RAB1B: variants seen among roughly 807,000 people sequenced by gnomAD.
RAB1B encodes RAB1B, member RAS oncogene family.
Under a neutral mutation model 24.8 loss-of-function variants are expected in RAB1B, and 10 were observed. That is an observed-to-expected ratio of 0.40 (90% CI 0.25 to 0.68). The LOEUF is 0.68. RAB1B is among the 30% of genes least tolerant of loss of function. The pLI, the probability that RAB1B is intolerant of heterozygous loss-of-function variation, is 0.37. For synonymous variants in RAB1B, 99 were observed against 111.7 expected (o/e 0.89, Z 0.72); for missense variants, 154 against 271.2 (o/e 0.57, Z 3.04).
At chr11:66,274,429 G>C (rs1857109354) in intron 4 of RAB1B, among the ~76,000 whole-genome samples, 1 of 152,164 alleles carries the variant, frequency 6.6e-6, no homozygotes, top group Non-Finnish European at 1.5e-5. Flanking sequence ...CATACCTGGG[G>C]TCACACAGTA....
At position 66,276,322 on chromosome 11, in the gene RAB1B, C is replaced by T. The variant is rs768187801; in HGVS notation, c.*84C>T. 9.2e-6 allele frequency: 12 copies of T among 1,305,194 alleles called. No individual in the cohort carries two copies. Among genetic ancestry groups the T allele is most frequent in the East Asian group, 2.5e-5 (1 of 39,674 alleles). 80.9% of individuals were successfully genotyped at this position (1,305,194 alleles called of 1,614,324 possible). On this transcript the variant is annotated 3_prime_UTR_variant, in exon 6 of 6. Transcript: ENST00000311481. Reference sequence around the variant, plus strand: ...GGGCAGGAGGTACCTCCCTCTCCCTCTCCTGGGGCATTTGAGTCTGTGGCT... The same window carrying T: ...GGGCAGGAGGTACCTCCCTCTCCCTTTCCTGGGGCATTTGAGTCTGTGGCT...
chr11:66,270,828 C>T (rs181330802), intron 1 of RAB1B: 2 of 152,426 alleles, frequency 1.3e-5, no homozygotes, highest in East Asian at 3.9e-4. Context: ...ACTGGGGATT[C>T]CCTAAATAGC....
chr11:66,274,492 T>C (rs781140486), intron 4 of RAB1B, among the ~76,000 whole-genome samples: 33 of 152,130 alleles, frequency 2.2e-4, no homozygotes, highest in Non-Finnish European at 4.1e-4. Flanking sequence ...CCTGTGTGCT[T>C]CCCTGGCTCA....
intron 1 of RAB1B, chr11:66,270,558 G>C: frequency 6.6e-6 from 1 of 152,398 alleles, no homozygotes; most frequent in Non-Finnish European, 1.5e-5. Flanking sequence ...AGCCTGGTGA[G>C]AGAGCGAGAC....
At chr11:66,273,244 C>T (rs939714073) in intron 4 of RAB1B, among the ~76,000 whole-genome samples, 7 of 152,254 alleles carry the variant, frequency 4.6e-5, no homozygotes, top group South Asian at 2.1e-4. Context: ...CTTAAATCAG[C>T]CGTGGGCCGG....
chr11:66,272,115 C>T (rs1851630719), intron 2 of RAB1B, 42 bp from the exon 3 acceptor site: 1 of 1,441,782 alleles, frequency 6.9e-7, no homozygotes. Context: ...GTGGGCCTCA[C>T]CTCATTAACT....
rs115491790 is a variant in RAB1B at position 66,275,462 on chromosome 11, C to G, written c.280-342C>G. Among the ~76,000 whole-genome samples the G allele has an allele frequency of 2.5e-3, 380 of 152,276 alleles. 1 individual carries two copies. The highest frequency in any genetic ancestry group is 8.4e-3 in the African/African-American group (348 of 41,546). ...GACCCGTTACTCTCTGTTCCTATCT[C>G]CCGTCCGCTCTCTCTTTGCTTCTCA... On this transcript the variant is annotated intron_variant, in intron 4 of 5. Coordinates refer to ENST00000311481, the MANE Select transcript of RAB1B (RefSeq NM_030981.3).
At chr11:66,273,075 GGTAAGGA>G (rs539283076) in intron 4 of RAB1B, among the ~76,000 whole-genome samples, 112 of 152,366 alleles carry the variant, frequency 7.4e-4, no homozygotes, top group African/African-American at 2.5e-3. Context: ...CCATCGCACA[GGTAAGGA>G]GCTGGGCTCA....
At chr11:66,271,044 A>G (rs965930101) in intron 1 of RAB1B, 1 of 152,234 alleles carries the variant, frequency 6.6e-6, no homozygotes, top group African/African-American at 2.4e-5. Flanking sequence ...TGAGCACCAT[A>G]GTATTCTAAA....
chr11:66,274,263 A>G (rs927616024), intron 4 of RAB1B, among the ~76,000 whole-genome samples: 1 of 152,100 alleles, frequency 6.6e-6, no homozygotes, highest in Non-Finnish European at 1.5e-5. Context: ...CTGTCCCCTC[A>G]TAATAATAGC....
In RAB1B at chr11:66,272,144, C is replaced by G. The variant is rs779608788; in HGVS notation, c.88-13C>G. On this transcript the variant is annotated splice_polypyrimidine_tract_variant and intron_variant, in intron 2 of 5. Coordinates refer to ENST00000311481, the MANE Select transcript of RAB1B (RefSeq NM_030981.3). ...ATTAACTCCCATGATTTCATTGGCC[C>G]CTGAACTTTCAGGATGACACGTACA... The G allele has an allele frequency of 2.5e-6, 4 of 1,591,916 alleles. No individual in the cohort carries two copies. The highest frequency in any genetic ancestry group is 3.4e-6 in the Non-Finnish European group (4 of 1,160,440).
chr11:66,276,365 C>A lies in RAB1B; in HGVS notation c.*127C>A. ...CTGTGGCTTTGGGGTGTCCTGGGCTCCCCATCTCCTTCTGGCCCATCTGCC... is the reference window on the plus strand; with the variant it reads ...CTGTGGCTTTGGGGTGTCCTGGGCTACCCATCTCCTTCTGGCCCATCTGCC... On this transcript the variant is annotated 3_prime_UTR_variant, in exon 6 of 6. Transcript: ENST00000311481. The A allele has an allele frequency of 1.1e-6, 1 of 908,090 alleles. No individual in the cohort carries two copies. Among genetic ancestry groups the A allele is most frequent in the Non-Finnish European group, 1.6e-6 (1 of 628,916 alleles). The allele number at this position is 908,090 out of a possible 1,614,324, so 56.3% of individuals were successfully genotyped here. A position where few individuals can be genotyped will look rare whatever the true frequency, so the allele number is the denominator to read the frequency against.
intron 4 of RAB1B, among the ~76,000 whole-genome samples, chr11:66,274,674 G>A (rs1006630264): frequency 3.3e-5 from 5 of 151,940 alleles, no homozygotes; most frequent in African/African-American, 1.2e-4. Context: ...GCCATGCTAA[G>A]ACAGTCTGTG....
chr11:66,272,338 C>T (rs1449955640), intron 3 of RAB1B, 27 bp from the exon 4 acceptor site: 1 of 1,609,782 alleles, frequency 6.2e-7, no homozygotes, highest in East Asian at 2.2e-5. Flanking sequence ...CCTCAGCTGA[C>T]CTGCTCCTCT....
intron 4 of RAB1B, among the ~76,000 whole-genome samples, chr11:66,275,024 C>G (rs1857119431): frequency 6.6e-6 from 1 of 152,082 alleles, no homozygotes; most frequent in East Asian, 1.9e-4. Flanking sequence ...GTGGCCTGGT[C>G]TATTCATCTA....
At chr11:66,274,841 C>T (rs1011076867) in intron 4 of RAB1B, among the ~76,000 whole-genome samples, 7 of 150,468 alleles carry the variant, frequency 4.7e-5, no homozygotes, top group African/African-American at 1.7e-4. Context: ...TCCCCAGACA[C>T]ACCATGCCCC....
intron 4 of RAB1B, among the ~76,000 whole-genome samples, chr11:66,272,756 C>T (rs778428362): frequency 1.3e-5 from 2 of 152,140 alleles, no homozygotes; most frequent in Non-Finnish European, 2.9e-5. Flanking sequence ...TATTGTAGAC[C>T]TTCTGGGCAC....
chr11:66,268,840 G>T (rs1227675791), intron 1 of RAB1B, 147 bp downstream of exon 1: 22 of 802,498 alleles, frequency 2.7e-5, no homozygotes, highest in Non-Finnish European at 3.5e-5. Context: ...CCACATCCGG[G>T]TTCTGCCCCT....
chr11:66,269,254 C>T (rs569877763), intron 1 of RAB1B, among the ~76,000 whole-genome samples: 1 of 152,268 alleles, frequency 6.6e-6, no homozygotes, highest in Admixed American at 6.5e-5. Context: ...CTACCCTTTG[C>T]CTGGGTCGCG....
Sources: allele counts gnomAD v4.1 joint callset (sites outside exome capture counted in the v4.1 genomes callset), GRCh38; gene constraint gnomAD v4.1.1; transcripts MANE v1.5; gene names NCBI Gene and HGNC (gene_info 2026-07-23, HGNC 2026-07-21).